The following FMN2 variants were observed in gnomAD, a reference collection of about 807,000 sequenced individuals.
The protein encoded by FMN2 is formin 2, also known as formin-2.
A neutral mutation model predicts 142.3 loss-of-function variants in FMN2; 51 were observed. That is an observed-to-expected ratio of 0.36 (90% CI 0.29 to 0.45). FMN2 has a LOEUF of 0.45. Ranked by LOEUF, FMN2 falls within the 20% of genes least tolerant of loss-of-function variation. FMN2 has a pLI of 1.00. For missense variants in FMN2, 1,936 were observed against 2,122.8 expected (o/e 0.91, Z 1.73); for synonymous variants, 882 against 869.8 (o/e 1.01, Z -0.25).
intron 15 of FMN2, among the ~76,000 whole-genome samples, chr1:240,432,709 G>GT (rs536219394): frequency 3.2e-4 from 49 of 151,958 alleles, no homozygotes; most frequent in South Asian, 2.5e-3. Flanking sequence ...AGTTTGGAAT[G>GT]TTTTTTCATT....
intron 7 of FMN2, among the ~76,000 whole-genome samples, chr1:240,279,617 CCTTT>C (rs562146633): frequency 3.3e-5 from 5 of 152,230 alleles, no homozygotes; most frequent in South Asian, 2.1e-4. Flanking sequence ...AGAACAGAGG[CCTTT>C]CTATCTTATA....
At position 240,330,882 on chromosome 1, in the gene FMN2, G is replaced by C. The variant is rs1307692648; in HGVS notation, c.4584+133G>C. 4 of 1,056,762 alleles carry C rather than the reference G, an allele frequency of 3.8e-6. No homozygotes were observed. In the East Asian group the frequency reaches 1.1e-4, roughly 29 times the overall value. 65.5% of individuals were successfully genotyped at this position (1,056,762 alleles called of 1,614,324 possible). On this transcript the variant is annotated intron_variant, in intron 11 of 17. Coordinates refer to ENST00000319653, the MANE Select transcript of FMN2 (RefSeq NM_020066.5). ...AAATGCTTCTTTATGTTCTGAGCTAGAAAAAAGTAATGTCCATCAGATATT... is the reference window on the plus strand; with the variant it reads ...AAATGCTTCTTTATGTTCTGAGCTACAAAAAAGTAATGTCCATCAGATATT...
chr1:240,314,657 C>A (rs1670709559), intron 8 of FMN2, among the ~76,000 whole-genome samples: 1 of 152,140 alleles, frequency 6.6e-6, no homozygotes. Context: ...TATTTTTCCT[C>A]ATGTTTTCAG....
chr1:240,147,942 A>G (rs1663558157), intron 2 of FMN2, among the ~76,000 whole-genome samples: 1 of 152,184 alleles, frequency 6.6e-6, no homozygotes, highest in Non-Finnish European at 1.5e-5. Context: ...CTTGCTCTAG[A>G]AAGTGTGTTC....
intron 2 of FMN2, among the ~76,000 whole-genome samples, chr1:240,153,725 G>A (rs1034478609): frequency 6.6e-6 from 1 of 152,082 alleles, no homozygotes; most frequent in African/African-American, 2.4e-5. Context: ...TCTAGAAAAA[G>A]ATGGAGTTAT....
rs114484523 is a variant in FMN2 at position 240,381,724 on chromosome 1, C to A, written c.4859-10787C>A. Among the ~76,000 whole-genome samples, 883 of 152,228 alleles carry A rather than the reference C, an allele frequency of 5.8e-3. 9 individuals carry two copies. Among genetic ancestry groups the A allele is most frequent in the African/African-American group, 0.021 (858 of 41,548 alleles). On this transcript the variant is annotated intron_variant, in intron 14 of 17. Coordinates refer to ENST00000319653, the MANE Select transcript of FMN2 (RefSeq NM_020066.5). Reference sequence around the variant, plus strand: ...GGATTACTGGCATGAGCCACCCTGCCTGGCCAATCATCTTAACAGCTGCAG... The same window carrying A: ...GGATTACTGGCATGAGCCACCCTGCATGGCCAATCATCTTAACAGCTGCAG...
At chr1:240,267,678 A>G (rs1462827527) in intron 7 of FMN2, among the ~76,000 whole-genome samples, 4 of 151,970 alleles carry the variant, frequency 2.6e-5, no homozygotes, top group Admixed American at 2.6e-4. Context: ...AAAACAACAT[A>G]TAACAAAATG....
intron 2 of FMN2, among the ~76,000 whole-genome samples, chr1:240,175,772 T>C (rs1186715484): frequency 6.6e-6 from 1 of 152,224 alleles, no homozygotes; most frequent in Non-Finnish European, 1.5e-5. Flanking sequence ...GATTTCATTG[T>C]GGTTTTGATT....
chr1:240,093,008 C>G lies in FMN2; in HGVS notation c.899C>G (p.Pro300Arg), dbSNP rs967255135. The change falls in exon 1 of 18, where the codon CCG becomes CGG. Residue 300 changes from proline (P) to arginine (R), a missense_variant. Around this residue, in one of 8 missense-constraint regions of FMN2, gnomAD observed 751 missense variants for 791.8 expected, o/e 0.95. Transcript: ENST00000319653. ...CAACCGCCGTCCCCCGGCGGCCTCC[C>G]GGTCTCCGAGGCGCCCAGTCTCCCG... ...PQQPPSPGGL[P>R]VSEAPSLPAA... is the part of the protein sequence containing the mutation. 8 of 1,398,874 alleles carry G rather than the reference C, an allele frequency of 5.7e-6. No individual in the cohort carries two copies. Among genetic ancestry groups the G allele is most frequent in the East Asian group, 2.9e-5 (1 of 34,302 alleles). 86.7% of individuals were successfully genotyped at this position (1,398,874 alleles called of 1,614,324 possible).
chr1:240,277,176 T>G (rs1669244035), intron 7 of FMN2, among the ~76,000 whole-genome samples: 1 of 152,196 alleles, frequency 6.6e-6, no homozygotes, highest in African/African-American at 2.4e-5. Flanking sequence ...GAAAATTCAA[T>G]TACCATTTTG....
intron 8 of FMN2, among the ~76,000 whole-genome samples, chr1:240,310,692 T>G (rs1341644465): frequency 6.6e-6 from 1 of 152,202 alleles, no homozygotes; most frequent in African/African-American, 2.4e-5. Flanking sequence ...TATCTATTGC[T>G]TCTGAATCTT....
chr1:240,432,611 A>G (rs1219667118), intron 15 of FMN2, among the ~76,000 whole-genome samples: 1 of 151,940 alleles, frequency 6.6e-6, no homozygotes, highest in Non-Finnish European at 1.5e-5. Flanking sequence ...TCTTTTTAAT[A>G]CATTCATTTT....
chr1:240,267,922 A>G lies in FMN2; in HGVS notation c.4153+9890A>G, dbSNP rs189882383. Among the ~76,000 whole-genome samples, 580 of 152,280 alleles carry G rather than the reference A, an allele frequency of 3.8e-3. 2 individuals carry two copies. The highest frequency in any genetic ancestry group is 0.014 in the African/African-American group (567 of 41,582). On this transcript the variant is annotated intron_variant, in intron 7 of 17. Transcript: ENST00000319653. The stretch of plus-strand genomic sequence containing the variant: ...AACATACGAAAAAATGTTCTACACC[A>G]CTAATCATCAGAGAAATGCAAATCC...
chr1:240,445,675 G>T (rs1163913197), intron 16 of FMN2, among the ~76,000 whole-genome samples: 1 of 150,176 alleles, frequency 6.7e-6, no homozygotes, highest in Non-Finnish European at 1.5e-5. Context: ...GACTTTTATT[G>T]TGCATTCAAT....
chr1:240,360,530 A>G (rs1162404587), intron 14 of FMN2, among the ~76,000 whole-genome samples: 1 of 152,156 alleles, frequency 6.6e-6, no homozygotes. Flanking sequence ...GATTCCTTCA[A>G]CAGCACTCAG....
intron 2 of FMN2, among the ~76,000 whole-genome samples, chr1:240,152,690 A>G (rs921559336): frequency 6.6e-6 from 1 of 152,204 alleles, no homozygotes; most frequent in African/African-American, 2.4e-5. Flanking sequence ...TCATGCTAGA[A>G]TACCAATCTA....
intron 6 of FMN2, among the ~76,000 whole-genome samples, chr1:240,239,157 T>C (rs1016298005): frequency 2.0e-5 from 3 of 152,190 alleles, no homozygotes; most frequent in Non-Finnish European, 2.9e-5. Flanking sequence ...GTGGCCACTT[T>C]AGAAAAACTT....
At chr1:240,311,152 A>G (rs1670592180) in intron 8 of FMN2, among the ~76,000 whole-genome samples, 1 of 152,206 alleles carries the variant, frequency 6.6e-6, no homozygotes, top group Non-Finnish European at 1.5e-5. Flanking sequence ...ATTGGATTTC[A>G]CAGGCATACT....
chr1:240,226,640 T>C (rs72764378), intron 6 of FMN2, among the ~76,000 whole-genome samples: 3,121 of 152,278 alleles, frequency 0.02, 45 homozygotes, highest in Non-Finnish European at 0.031. Flanking sequence ...TATAATTACA[T>C]AGTTCTCTTA....
Sources: allele counts gnomAD v4.1 joint callset (sites outside exome capture counted in the v4.1 genomes callset), GRCh38; gene constraint gnomAD v4.1.1; regional missense constraint gnomAD v4.1.1; transcripts MANE v1.5; gene names NCBI Gene and HGNC (gene_info 2026-07-23, HGNC 2026-07-21).